The following LARGE1 variants were observed in gnomAD, a reference collection of about 807,000 sequenced individuals.
LARGE1 encodes the protein LARGE xylosyl- and glucuronyltransferase 1.
Under a neutral mutation model 87.6 loss-of-function variants are expected in LARGE1, and 43 were observed. The observed-to-expected ratio is 0.49, with a 90% CI of 0.38 to 0.63. The LOEUF (loss-of-function observed/expected upper bound fraction) is 0.63. Ranked by LOEUF, LARGE1 falls within the 30% of genes least tolerant of loss-of-function variation. The pLI is 0.00. For synonymous variants in LARGE1, 434 were observed against 394.6 expected (o/e 1.10, Z -1.18); for missense variants, 802 against 1,000.2 (o/e 0.80, Z 2.67).
At chr22:33,694,700 A>G (rs999505911) in intron 2 of LARGE1, among the ~76,000 whole-genome samples, 1 of 152,142 alleles carries the variant, frequency 6.6e-6, no homozygotes, top group Non-Finnish European at 1.5e-5. Context: ...ACATGGAGAG[A>G]GAAGGTGTGG....
chr22:33,130,313 CAAAAAAAA>C, the LARGE1 span, among the ~76,000 whole-genome samples: 26,258 of 56,634 alleles, frequency 0.46, 4,253 homozygotes, highest in South Asian at 0.63. Flanking sequence ...GATTCCGTCT[CAAAAAAAA>C]AAAAAAAAAA....
In LARGE1 at chr22:33,391,793, G is replaced by A. The variant is rs184660652; in HGVS notation, c.893-7489C>T. Among the ~76,000 whole-genome samples, 680 of 131,672 alleles carry A rather than the reference G, an allele frequency of 5.2e-3. 5 individuals carry two copies. Among genetic ancestry groups the A allele is most frequent in the Middle Eastern group, 0.014 (3 of 218 alleles). The allele number at this position is 131,672 out of a possible 152,430, so 86.4% of individuals were successfully genotyped here. ...TTTTTTTTTTTTTTTTTTTTGAGAC[G>A]GAGTCTTGCACTGTCGCTCAGGCAG... On this transcript the variant is annotated intron_variant, in intron 7 of 14. Coordinates refer to ENST00000397394, the MANE Select transcript of LARGE1 (RefSeq NM_133642.5).
intron 2 of LARGE1, among the ~76,000 whole-genome samples, chr22:33,664,918 C>A (rs1242998449): frequency 6.6e-6 from 1 of 152,144 alleles, no homozygotes; most frequent in Non-Finnish European, 1.5e-5. Flanking sequence ...ACATGTCTAT[C>A]CTGTTCGAAC....
chr22:33,448,254 T>C (rs1277614195), intron 6 of LARGE1, among the ~76,000 whole-genome samples: 1 of 152,178 alleles, frequency 6.6e-6, no homozygotes, highest in Non-Finnish European at 1.5e-5. Context: ...TGGAAGTATG[T>C]GAATTTCACC....
At chr22:33,678,535 C>T (rs1431620538) in intron 2 of LARGE1, among the ~76,000 whole-genome samples, 1 of 152,140 alleles carries the variant, frequency 6.6e-6, no homozygotes, top group Non-Finnish European at 1.5e-5. Context: ...TAGGAAGCCT[C>T]ATTATTGTCT....
chr22:33,600,209 A>G (rs918701353), intron 5 of LARGE1, among the ~76,000 whole-genome samples: 2 of 152,222 alleles, frequency 1.3e-5, no homozygotes, highest in Non-Finnish European at 2.9e-5. Flanking sequence ...ATTGTGTATC[A>G]GTCATTCAGT....
intron 1 of LARGE1, among the ~76,000 whole-genome samples, chr22:33,854,821 A>G (rs1367411744): frequency 2.6e-5 from 4 of 152,228 alleles, no homozygotes; most frequent in Non-Finnish European, 5.9e-5. Context: ...TATCGGTGAC[A>G]TATGTAAATA....
chr22:33,160,186 A>G (rs1345515101), downstream of LARGE1, among the ~76,000 whole-genome samples: 1 of 152,220 alleles, frequency 6.6e-6, no homozygotes, highest in Non-Finnish European at 1.5e-5. Flanking sequence ...TCAATGTTCT[A>G]AATGCTGAGC....
chr22:33,181,012 T>C (rs1437662148), intron 11 of LARGE1, among the ~76,000 whole-genome samples: 1 of 152,218 alleles, frequency 6.6e-6, no homozygotes, highest in African/African-American at 2.4e-5. Flanking sequence ...TGCACTACTC[T>C]ATAAATGTAA....
In LARGE1 at chr22:33,604,526, T is replaced by A; in HGVS notation, c.524A>T (p.Asp175Val). The change falls in exon 5 of 15, where the codon GAC becomes GTC. Residue 175 changes from aspartate (D) to valine (V), a missense_variant. Asp to Val is a radical substitution (Grantham distance 152, BLOSUM62 -3). Around this residue, in one of 2 missense-constraint regions of LARGE1, gnomAD observed 625 missense variants for 841.9 expected, o/e 0.74. Transcript: ENST00000397394. Reference protein sequence around the residue: ...RNPLHFHLIADSIAEQILATL... With the variant: ...RNPLHFHLIAVSIAEQILATL... ...GGCCAGGATCTGCTCCGCAATGGAGTCAGCAATAAGGTGGAAGTGCAGAGG... is the reference window on the plus strand; with the variant it reads ...GGCCAGGATCTGCTCCGCAATGGAGACAGCAATAAGGTGGAAGTGCAGAGG... The A allele has an allele frequency of 6.2e-7, 1 of 1,613,516 alleles. No individual in the cohort carries two copies. Among genetic ancestry groups the A allele is most frequent in the Non-Finnish European group, 8.5e-7 (1 of 1,179,826 alleles).
intron 11 of LARGE1, among the ~76,000 whole-genome samples, chr22:33,195,817 C>T (rs1369353899): frequency 6.8e-5 from 10 of 147,160 alleles, no homozygotes; most frequent in African/African-American, 1.8e-4. Context: ...TGCAGTGGCG[C>T]GATCTCAGCT....
chr22:33,810,872 C>T (rs967653605), intron 1 of LARGE1, among the ~76,000 whole-genome samples: 10 of 152,102 alleles, frequency 6.6e-5, no homozygotes, highest in South Asian at 2.1e-4. Context: ...TACAGGTGTG[C>T]GCCACCGTGC....
intron 14 of LARGE1, among the ~76,000 whole-genome samples, chr22:33,275,518 G>A (rs1308284238): frequency 6.6e-6 from 1 of 152,134 alleles, no homozygotes; most frequent in Non-Finnish European, 1.5e-5. Context: ...AGGAATGAGT[G>A]AGAAAAACCA....
At chr22:33,486,664 T>C (rs915185091) in intron 6 of LARGE1, among the ~76,000 whole-genome samples, 5 of 152,158 alleles carry the variant, frequency 3.3e-5, no homozygotes, top group Non-Finnish European at 7.3e-5. Flanking sequence ...ACAGAATTCA[T>C]CTAAATCTTA....
At chr22:33,694,162 A>AG (rs2082177416) in intron 2 of LARGE1, among the ~76,000 whole-genome samples, 1 of 152,252 alleles carries the variant, frequency 6.6e-6, no homozygotes, top group African/African-American at 2.4e-5. Flanking sequence ...TTGGTAAGAT[A>AG]AAGTGCTACC....
the LARGE1 span, among the ~76,000 whole-genome samples, chr22:33,067,895 G>C: frequency 3.2e-4 from 48 of 152,068 alleles, no homozygotes; most frequent in Admixed American, 3.1e-3. Flanking sequence ...CAGGAGAATC[G>C]GTTGAACCTG....
intron 1 of LARGE1, among the ~76,000 whole-genome samples, chr22:33,902,267 C>A (rs2065304482): frequency 6.6e-6 from 1 of 152,200 alleles, no homozygotes. Context: ...CCCAGCAGAG[C>A]TCTTGGCCAA....
intron 5 of LARGE1, among the ~76,000 whole-genome samples, chr22:33,597,169 C>T (rs1403956710): frequency 6.6e-6 from 1 of 151,924 alleles, no homozygotes; most frequent in African/African-American, 2.4e-5. Context: ...ATAAACCAGG[C>T]CCAGCAGCCA....
intron 6 of LARGE1, among the ~76,000 whole-genome samples, chr22:33,486,486 A>G (rs2148248815): frequency 6.6e-6 from 1 of 152,230 alleles, no homozygotes; most frequent in East Asian, 1.9e-4. Context: ...CTAAAATGGC[A>G]TGGCAGAGTC....
Sources: gnomAD v4.1 joint callset for allele counts (sites outside exome capture counted in the v4.1 genomes callset) on GRCh38, gnomAD v4.1.1 for gene constraint, gnomAD v4.1.1 regional missense constraint, MANE v1.5 for transcripts, NCBI Gene and HGNC (gene_info 2026-07-23, HGNC 2026-07-21) for gene names.